CADM1: variants seen among roughly 807,000 people sequenced by gnomAD.
The protein encoded by CADM1 is TSLC-1.
CADM1 carries 15 observed loss-of-function variants against 53.1 expected under a neutral mutation model. The observed-to-expected ratio is 0.28, with a 90% confidence interval of 0.19 to 0.44. The LOEUF is 0.44. Ranked by LOEUF, CADM1 falls within the 20% of genes least tolerant of loss-of-function variation. CADM1 has a pLI of 1.00. For missense variants in CADM1, 434 were observed against 611.3 expected (o/e 0.71, Z 3.06); for synonymous variants, 281 against 243.0 (o/e 1.16, Z -1.45).
chr11:115,371,075 G>A (rs1333788762), intron 1 of CADM1, among the ~76,000 whole-genome samples: 2 of 152,158 alleles, frequency 1.3e-5, no homozygotes, highest in African/African-American at 4.8e-5. Context: ...TTATCAGGCA[G>A]AGGGAAAATA....
intron 1 of CADM1, among the ~76,000 whole-genome samples, chr11:115,442,956 A>G (rs1591245251): frequency 6.6e-6 from 1 of 152,238 alleles, no homozygotes; most frequent in Non-Finnish European, 1.5e-5. Context: ...CAACAGTACC[A>G]GATGACAGTT....
intron 1 of CADM1, among the ~76,000 whole-genome samples, chr11:115,438,197 T>C (rs1435164273): frequency 6.6e-6 from 1 of 152,182 alleles, no homozygotes; most frequent in Non-Finnish European, 1.5e-5. Flanking sequence ...AATCATCCTA[T>C]ATCTGTGCCT....
At chr11:115,463,862 TGGGCCGGGG>T (rs1948843364) in intron 1 of CADM1, among the ~76,000 whole-genome samples, 1 of 114,534 alleles carries the variant, frequency 8.7e-6, no homozygotes, top group Non-Finnish European at 1.8e-5. Context: ...TTTTTTTTTT[TGGGCCGGGG>T]GCGGGGTGCA....
chr11:115,229,114 C>T lies in CADM1; in HGVS notation c.720G>A (p.Gln240=), dbSNP rs780402599. 1 of 1,613,924 alleles carries T rather than the reference C, an allele frequency of 6.2e-7. No homozygotes were observed. Among genetic ancestry groups the T allele is most frequent in the African/African-American group, 1.3e-5 (1 of 75,064 alleles). ...NLQTQRYLEV[Q]YKPQVHIQMT... is the part of the protein sequence containing the mutation. ...AGAATAAGATACCAGGGTACTCACA[C>T]TGTACTTCTAGATACCGCTGGGTCT... Residue 240 remains glutamine, a splice_region_variant and synonymous_variant, in exon 5 of 12, where the codon CAG becomes CAA. Transcript: ENST00000331581.
At chr11:115,394,831 C>T (rs150823431) in intron 1 of CADM1, among the ~76,000 whole-genome samples, 2 of 151,542 alleles carry the variant, frequency 1.3e-5, no homozygotes, top group South Asian at 2.1e-4. Context: ...ATTTTGAAGC[C>T]AATTTTTTTA....
At chr11:115,228,749 A>G (rs1941706986) in intron 5 of CADM1, among the ~76,000 whole-genome samples, 1 of 152,210 alleles carries the variant, frequency 6.6e-6, no homozygotes, top group African/African-American at 2.4e-5. Flanking sequence ...TGGGAAAAAA[A>G]TCCCTTCTAT....
In CADM1 at chr11:115,415,561, G is replaced by T. The variant is rs559770465; in HGVS notation, c.124+88710C>A. ...TTTTAAAAAGACTGATTCTGGACAG[G>T]CCCAGTGGCTCACATCTGTAATCCC... On this transcript the variant is annotated intron_variant, in intron 1 of 11. Coordinates refer to ENST00000331581, the MANE Select transcript of CADM1 (RefSeq NM_001301043.2). Among the ~76,000 whole-genome samples, 28 of 152,120 alleles carry T rather than the reference G, an allele frequency of 1.8e-4. No individual in the cohort carries two copies. The South Asian group carries it at 2.9e-3, about 16-fold the overall frequency.
intron 1 of CADM1, among the ~76,000 whole-genome samples, chr11:115,340,754 G>A (rs1591725623): frequency 7.0e-6 from 1 of 143,504 alleles, no homozygotes; most frequent in Non-Finnish European, 1.5e-5. Context: ...TCTGCCTCCC[G>A]GGTTCAAGAC....
At chr11:115,224,920 C>T (rs958668829) in intron 5 of CADM1, among the ~76,000 whole-genome samples, 1 of 152,136 alleles carries the variant, frequency 6.6e-6, no homozygotes, top group Admixed American at 6.6e-5. Context: ...GGCACCACCA[C>T]CTGTACAGAC....
At chr11:115,299,886 G>C (rs1036666274) in intron 1 of CADM1, among the ~76,000 whole-genome samples, 1 of 152,012 alleles carries the variant, frequency 6.6e-6, no homozygotes, top group Non-Finnish European at 1.5e-5. Context: ...TTTAAAAATG[G>C]GAGAAATACA....
chr11:115,214,287 G>C (rs1277231864), intron 7 of CADM1, among the ~76,000 whole-genome samples: 2 of 152,332 alleles, frequency 1.3e-5, no homozygotes, highest in Non-Finnish European at 2.9e-5. Context: ...GAGCTGAAAA[G>C]CTGCTAATTG....
At chr11:115,177,707 CCAAA>C (rs1279393697) in intron 11 of CADM1, among the ~76,000 whole-genome samples, 1 of 151,710 alleles carries the variant, frequency 6.6e-6, no homozygotes, top group Non-Finnish European at 1.5e-5. Flanking sequence ...GAGCTCTTGG[CCAAA>C]CAGACTGCCT....
chr11:115,193,454 T>A (rs1591591927), intron 9 of CADM1, among the ~76,000 whole-genome samples: 1 of 152,204 alleles, frequency 6.6e-6, no homozygotes, highest in African/African-American at 2.4e-5. Context: ...TCTGCAGAGA[T>A]GAGTATTTAA....
At chr11:115,373,692 A>G (rs1438828509) in intron 1 of CADM1, among the ~76,000 whole-genome samples, 7 of 151,970 alleles carry the variant, frequency 4.6e-5, no homozygotes, top group Non-Finnish European at 8.8e-5. Flanking sequence ...CCATTTAAGT[A>G]TCTATAACAT....
intron 1 of CADM1, among the ~76,000 whole-genome samples, chr11:115,446,106 A>G (rs1291158356): frequency 6.6e-6 from 1 of 152,176 alleles, no homozygotes; most frequent in Admixed American, 6.5e-5. Context: ...CAAGGAGCTT[A>G]CAATTTCATG....
Position 115,396,244 on chromosome 11 carries a change from C to T in CADM1, c.124+108027G>A, listed in dbSNP as rs959948192. Reference sequence around the variant, plus strand: ...TCATTGGTGGTGGAAGCAAAGGGCGCGTGTCCTTGTGAATGTGACCACATT... The same window carrying T: ...TCATTGGTGGTGGAAGCAAAGGGCGTGTGTCCTTGTGAATGTGACCACATT... On this transcript the variant is annotated intron_variant, in intron 1 of 11. Coordinates refer to ENST00000331581, the MANE Select transcript of CADM1 (RefSeq NM_001301043.2). 3.9e-5 allele frequency among the ~76,000 whole-genome samples: 6 copies of T among 152,078 alleles called. No homozygotes were observed. In the South Asian group the frequency reaches 6.2e-4, roughly 16 times the overall value.
At chr11:115,266,064 C>T (rs1039330056) in intron 1 of CADM1, among the ~76,000 whole-genome samples, 2 of 152,056 alleles carry the variant, frequency 1.3e-5, no homozygotes, top group Admixed American at 6.6e-5. Context: ...TCTGAGGCCT[C>T]CTGAAGTTTG....
chr11:115,437,719 CT>C (rs1948215185), intron 1 of CADM1, among the ~76,000 whole-genome samples: 2 of 152,126 alleles, frequency 1.3e-5, no homozygotes, highest in Non-Finnish European at 2.9e-5. Flanking sequence ...AAATAACATG[CT>C]TCTTGCTGGT....
intron 1 of CADM1, among the ~76,000 whole-genome samples, chr11:115,410,311 T>A (rs1947428334): frequency 6.6e-6 from 1 of 152,234 alleles, no homozygotes; most frequent in African/African-American, 2.4e-5. Flanking sequence ...AAAGGACACA[T>A]CGGAAAATTA....
Sources: gnomAD v4.1 joint callset for allele counts (sites outside exome capture counted in the v4.1 genomes callset) on GRCh38, gnomAD v4.1.1 for gene constraint, MANE v1.5 for transcripts, NCBI Gene and HGNC (gene_info 2026-07-23, HGNC 2026-07-21) for gene names.